Variants in DHRSX observed in about 807,000 individuals in gnomAD.
DHRSX encodes the protein dehydrogenase/reductase X-linked, also known as polyprenol dehydrogenase.
DHRSX carries 31 observed loss-of-function variants against 34.0 expected under a neutral mutation model. That is an observed-to-expected ratio of 0.91 (90% CI 0.69 to 1.23). The LOEUF (loss-of-function observed/expected upper bound fraction) is 1.23. Ranked by LOEUF, DHRSX falls within the 50% of genes most tolerant of loss-of-function variation. The probability of loss-of-function intolerance (pLI) is 0.00; values close to 1 mark genes in which losing one functional copy is unlikely to be tolerated. For synonymous variants in DHRSX, 201 were observed against 183.8 expected, an observed-to-expected ratio of 1.09 and a Z score of -0.76; for missense variants, 414 against 428.1, an observed-to-expected ratio of 0.97 and a Z score of 0.29.
intron 3 of DHRSX, among the ~76,000 whole-genome samples, chrX:2,378,060 T>C (rs2043162360): frequency 6.6e-6 from 1 of 152,190 alleles, no homozygotes. Context: ...TACTTCAACT[T>C]ACTGAACGCT....
intron 3 of DHRSX, among the ~76,000 whole-genome samples, chrX:2,314,535 A>T (rs73628296): frequency 0.082 from 11,486 of 139,524 alleles, 1,335 homozygotes; most frequent in African/African-American, 0.24. Flanking sequence ...GCTATTCTCT[A>T]TAGAATGTGG....
intron 3 of DHRSX, among the ~76,000 whole-genome samples, chrX:2,300,610 G>C (rs1238344303): frequency 6.6e-6 from 1 of 152,144 alleles, no homozygotes; most frequent in Non-Finnish European, 1.5e-5. Flanking sequence ...AGCCTCCCAT[G>C]CTACAGCTTT....
intron 3 of DHRSX, among the ~76,000 whole-genome samples, chrX:2,320,035 G>C (rs1465826150): frequency 6.6e-6 from 1 of 151,748 alleles, no homozygotes; most frequent in South Asian, 2.1e-4. Flanking sequence ...CACCATGTTG[G>C]TCAGGCTGGT....
intron 4 of DHRSX, among the ~76,000 whole-genome samples, chrX:2,283,595 C>A (rs1356241755): frequency 6.6e-6 from 1 of 152,016 alleles, no homozygotes; most frequent in Non-Finnish European, 1.5e-5. Context: ...AAAAGTGGGT[C>A]CTCAGTAAGG....
chrX:2,250,893 T>C (rs1297824542), intron 5 of DHRSX, among the ~76,000 whole-genome samples: 2 of 151,960 alleles, frequency 1.3e-5, no homozygotes, highest in African/African-American at 4.8e-5. Context: ...ACTGTGATCT[T>C]AGCAACTGAG....
At chrX:2,441,900 G>A (rs1443270900) in intron 1 of DHRSX, among the ~76,000 whole-genome samples, 5 of 151,960 alleles carry the variant, frequency 3.3e-5, no homozygotes, top group African/African-American at 4.8e-5. Context: ...GTGAAACTCC[G>A]TCTTTACTAA....
At chrX:2,439,303 G>C (rs887001006) in intron 1 of DHRSX, among the ~76,000 whole-genome samples, 2 of 152,058 alleles carry the variant, frequency 1.3e-5, no homozygotes, top group African/African-American at 4.8e-5. Context: ...GGAGAGAGCA[G>C]CTGGAGCTTC....
intron 1 of DHRSX, among the ~76,000 whole-genome samples, chrX:2,442,408 A>G (rs2044074613): frequency 6.6e-6 from 1 of 151,700 alleles, no homozygotes. Context: ...ATATTATAAT[A>G]TATATGATAT....
intron 3 of DHRSX, among the ~76,000 whole-genome samples, chrX:2,335,961 TC>T (rs1303112047): frequency 6.6e-6 from 1 of 152,106 alleles, no homozygotes; most frequent in Non-Finnish European, 1.5e-5. Context: ...TCTTTCAACT[TC>T]TGAGTCATGG....
chrX:2,293,463 G>T (rs980310349), intron 3 of DHRSX, among the ~76,000 whole-genome samples: 3 of 152,172 alleles, frequency 2.0e-5, no homozygotes, highest in African/African-American at 7.2e-5. Context: ...GAGGGAAGAA[G>T]CAAGTTCCCT....
At chrX:2,272,753 A>G (rs2041574157) in intron 4 of DHRSX, among the ~76,000 whole-genome samples, 1 of 152,124 alleles carries the variant, frequency 6.6e-6, no homozygotes, top group Admixed American at 6.6e-5. Context: ...TGGACATCCA[A>G]CCTGGTCAAG....
chrX:2,367,456 A>G (rs989936358), intron 3 of DHRSX, among the ~76,000 whole-genome samples: 8 of 149,800 alleles, frequency 5.3e-5, no homozygotes, highest in African/African-American at 2.0e-4. Context: ...AGAAAAAAGA[A>G]AAAAAAAAAA....
chrX:2,237,119 G>C (rs2016035170), intron 6 of DHRSX, among the ~76,000 whole-genome samples: 1 of 152,014 alleles, frequency 6.6e-6, no homozygotes, highest in South Asian at 2.1e-4. Flanking sequence ...CCAGGAGGCG[G>C]AGGTTGCAGT....
intron 1 of DHRSX, among the ~76,000 whole-genome samples, chrX:2,462,619 T>G (rs2044418929): frequency 6.6e-6 from 1 of 152,014 alleles, no homozygotes; most frequent in Admixed American, 6.6e-5. Flanking sequence ...TTTCAGGCAA[T>G]TTCCACAAAA....
At chrX:2,233,453 G>A (rs2015943857) in intron 6 of DHRSX, among the ~76,000 whole-genome samples, 1 of 151,656 alleles carries the variant, frequency 6.6e-6, no homozygotes, top group African/African-American at 2.4e-5. Context: ...ATCCAAGAAC[G>A]CAGTGTGTTC....
At chrX:2,434,441 G>C (rs1029688281) in intron 1 of DHRSX, among the ~76,000 whole-genome samples, 5 of 152,140 alleles carry the variant, frequency 3.3e-5, no homozygotes, top group Admixed American at 6.5e-5. Flanking sequence ...GGCCAAGGTG[G>C]GAGGATCAGC....
rs190060939 is a variant in DHRSX at position 2,431,374 on chromosome X, G to A, written c.110-6070C>T. Among the ~76,000 whole-genome samples the A allele has an allele frequency of 1.6e-3, 241 of 151,262 alleles. 1 individual carries two copies. The highest frequency in any genetic ancestry group is 5.5e-3 in the African/African-American group (228 of 41,222). ...AAAACCCCCAAACTTTGTCCAATCC[G>A]GAGTTGACAGACACCTAAGTTTGAT... is the stretch of plus-strand genomic sequence containing the variant. On this transcript the variant is annotated intron_variant, in intron 1 of 6. Transcript: ENST00000334651.
chrX:2,409,793 G>C (rs186614665), intron 2 of DHRSX, among the ~76,000 whole-genome samples: 1 of 151,766 alleles, frequency 6.6e-6, no homozygotes, highest in Non-Finnish European at 1.5e-5. Flanking sequence ...GCAGTGGTGC[G>C]ATCTCAGCTC....
intron 1 of DHRSX, among the ~76,000 whole-genome samples, chrX:2,472,208 C>A (rs781093279): frequency 6.6e-6 from 1 of 151,528 alleles, no homozygotes; most frequent in Non-Finnish European, 1.5e-5. Flanking sequence ...AGGCCATTAT[C>A]CTTAGCAAAC....
Sources: allele counts gnomAD v4.1 joint callset (sites outside exome capture counted in the v4.1 genomes callset), GRCh38; gene constraint gnomAD v4.1.1; transcripts MANE v1.5; gene names NCBI Gene and HGNC (gene_info 2026-07-23, HGNC 2026-07-21).